TRPC5: variants seen among roughly 807,000 people sequenced by gnomAD.
TRPC5 encodes the protein short transient receptor potential channel 5.
In TRPC5, 9 loss-of-function variants were observed where a neutral mutation model predicts 56.5. The observed-to-expected ratio is 0.16, with a 90% CI of 0.10 to 0.28. The LOEUF (loss-of-function observed/expected upper bound fraction) is 0.28, where lower values mean the gene tolerates loss of function less well. Ranked by LOEUF, TRPC5 falls within the 10% of genes least tolerant of loss-of-function variation. The probability of loss-of-function intolerance (pLI) is 1.00; values close to 1 mark genes in which losing one functional copy is unlikely to be tolerated. For missense variants in TRPC5, 469 were observed against 748.9 expected, an observed-to-expected ratio of 0.63 and a Z score of 4.36; for synonymous variants, 282 against 278.5, an observed-to-expected ratio of 1.01 and a Z score of -0.13.
chrX:111,897,500 C>A (rs1925125849), intron 3 of TRPC5, among the ~76,000 whole-genome samples: 1 of 111,227 alleles, frequency 9.0e-6, no homozygotes, highest in Non-Finnish European at 1.9e-5. Flanking sequence ...ATGATCATTA[C>A]CATCACTCTA....
Position 111,781,104 on chromosome X carries a change from G to C in TRPC5, c.2142+61C>G, listed in dbSNP as rs950380474. The C allele has an allele frequency of 1.0e-5, 11 of 1,086,387 alleles. No individual in the cohort carries two copies. In the Admixed American group the frequency reaches 2.2e-4, roughly 22 times the overall value. 89.5% of individuals were successfully genotyped at this position (1,086,387 alleles called of 1,213,427 possible). On this transcript the variant is annotated intron_variant, in intron 9 of 10. Transcript: ENST00000262839. ...TCCAGACACAGCCAGAGTGAAGTTT[G>C]CTTCTCCTCCACAGAACCAGCCAAC...
Position 111,842,132 on chromosome X carries a change from G to GTATATATATATATTTTATATATATATATA in TRPC5, c.1700+4981_1700+4982insTATATATATATATAAAATATATATATATA, listed in dbSNP as rs1406226710. Among the ~76,000 whole-genome samples the GTATATATATATATTTTATATATATATATA allele has an allele frequency of 1.3e-4, 10 of 77,197 alleles. 1 individual carries two copies. Among genetic ancestry groups the GTATATATATATATTTTATATATATATATA allele is most frequent in the African/African-American group, 1.2e-3 (10 of 8,630 alleles). 67.0% of individuals were successfully genotyped at this position (77,197 alleles called of 115,157 possible). On this transcript the variant is annotated intron_variant, in intron 6 of 10. Transcript: ENST00000262839. ...ATATATATATATTTTATATATATAT[G>GTATATATATATATTTTATATATATATATA]TATATATATATATATGTATATTTTA... is the stretch of plus-strand genomic sequence containing the variant.
intron 2 of TRPC5, among the ~76,000 whole-genome samples, chrX:111,913,703 G>A (rs11798185): frequency 1.8e-3 from 201 of 111,769 alleles, no homozygotes; most frequent in Admixed American, 6.2e-3. Context: ...GCTCACGCCT[G>A]TAATCCCAGC....
intron 5 of TRPC5, among the ~76,000 whole-genome samples, chrX:111,849,252 A>C (rs1366255186): frequency 8.9e-6 from 1 of 112,455 alleles, no homozygotes; most frequent in Admixed American, 9.4e-5. Context: ...CAGAAGTGTA[A>C]AACATGATTC....
intron 7 of TRPC5, among the ~76,000 whole-genome samples, chrX:111,787,491 A>G (rs184505818): frequency 2.9e-4 from 32 of 110,485 alleles, no homozygotes; most frequent in African/African-American, 1.0e-3. Flanking sequence ...ATCACAATTA[A>G]AAGAACTAGA....
intron 1 of TRPC5, among the ~76,000 whole-genome samples, chrX:111,965,907 T>G (rs1036130870): frequency 4.5e-5 from 5 of 110,782 alleles, no homozygotes; most frequent in African/African-American, 1.6e-4. Context: ...ACATCACAAT[T>G]AAAAGAACTA....
rs779426917 is a variant in TRPC5, at chrX:111,773,037, T to A, written c.*3276A>T. ...TTGAAAAGTGGAGGCGTTCGTTTTT[T>A]AAAAATGATTTAATCAAATTGCAGA... On this transcript the variant is annotated 3_prime_UTR_variant, in exon 11 of 11. Coordinates refer to ENST00000262839, the MANE Select transcript of TRPC5 (RefSeq NM_012471.3). Among the ~76,000 whole-genome samples, 1 of 112,132 alleles carries A rather than the reference T, an allele frequency of 8.9e-6. No individual in the cohort carries two copies. Among genetic ancestry groups the A allele is most frequent in the East Asian group, 2.8e-4 (1 of 3,573 alleles).
chrX:111,814,975 C>T (rs1225230661), intron 7 of TRPC5, among the ~76,000 whole-genome samples: 1 of 111,243 alleles, frequency 9.0e-6, no homozygotes, highest in African/African-American at 3.3e-5. Flanking sequence ...GACATCAAGC[C>T]AATATTCTGT....
intron 1 of TRPC5, among the ~76,000 whole-genome samples, chrX:111,996,411 G>T (rs960800755): frequency 1.8e-5 from 2 of 111,631 alleles, no homozygotes; most frequent in African/African-American, 6.5e-5. Flanking sequence ...CAATTATGTG[G>T]TCAATTTTAG....
At chrX:111,954,940 A>G (rs1279081968) in intron 1 of TRPC5, among the ~76,000 whole-genome samples, 1 of 112,152 alleles carries the variant, frequency 8.9e-6, no homozygotes, top group Non-Finnish European at 1.9e-5. Flanking sequence ...TGGCTCAGGC[A>G]TGGTGCCAGG....
At chrX:112,040,298 C>T (rs755385598) in intron 1 of TRPC5, among the ~76,000 whole-genome samples, 2 of 112,258 alleles carry the variant, frequency 1.8e-5, no homozygotes, top group Non-Finnish European at 3.8e-5. Context: ...TTAGTGCAAC[C>T]GCTATGCTAA....
Position 111,776,088 on chromosome X carries a change from G to T in TRPC5, c.*225C>A. 1 of 316,883 alleles carries T rather than the reference G, an allele frequency of 3.2e-6. No individual in the cohort carries two copies. Among genetic ancestry groups the T allele is most frequent in the Non-Finnish European group, 5.5e-6 (1 of 183,061 alleles). 26.1% of individuals were successfully genotyped at this position (316,883 alleles called of 1,213,427 possible). A position where few individuals can be genotyped will look rare whatever the true frequency, so the allele number is the denominator to read the frequency against. On this transcript the variant is annotated 3_prime_UTR_variant, in exon 11 of 11. Coordinates refer to ENST00000262839, the MANE Select transcript of TRPC5 (RefSeq NM_012471.3). ...GCAACACCCCTTCAGTCGGTTGTAA[G>T]ATGGACTTAGTGTGTATAGGTATTA...
At chrX:111,813,259 A>G (rs186867424) in intron 7 of TRPC5, among the ~76,000 whole-genome samples, 38 of 112,504 alleles carry the variant, frequency 3.4e-4, no homozygotes, top group African/African-American at 1.1e-3. Flanking sequence ...CTAACGACAC[A>G]TAGCCTTACA....
chrX:111,867,960 T>C (rs1000134861), intron 3 of TRPC5, among the ~76,000 whole-genome samples: 6 of 112,483 alleles, frequency 5.3e-5, no homozygotes, highest in African/African-American at 1.9e-4. Context: ...AAAAGCAGTT[T>C]ATATGTATTA....
rs1051655216 is a variant in TRPC5, at chrX:111,852,300, T to C, written c.1375A>G (p.Lys459Glu). The change falls in exon 5 of 11, where the codon AAG becomes GAG. Residue 459 changes from lysine (K) to glutamate (E), a missense_variant and splice_region_variant. Around this residue, in one of 3 missense-constraint regions of TRPC5, gnomAD observed 157 missense variants for 360.0 expected, o/e 0.44. Transcript: ENST00000262839. The stretch of plus-strand genomic sequence containing the variant: ...ATATGGCAGACATTCCAATTTACCT[T>C]GACATAGGCCACAATCTTCAGGGAA... ...TISLKIVAYV[K>E]YNGSRPREEW... 3 of 1,206,869 alleles carry C rather than the reference T, an allele frequency of 2.5e-6. No individual in the cohort carries two copies. Among genetic ancestry groups the C allele is most frequent in the Admixed American group, 4.4e-5 (2 of 45,392 alleles).
intron 2 of TRPC5, among the ~76,000 whole-genome samples, chrX:111,947,948 T>G (rs1346227388): frequency 8.9e-6 from 1 of 112,243 alleles, no homozygotes; most frequent in Non-Finnish European, 1.9e-5. Context: ...CTGCTCCATT[T>G]ATTACAATTC....
At chrX:112,028,350 T>C (rs1270737106) in intron 1 of TRPC5, among the ~76,000 whole-genome samples, 1 of 111,388 alleles carries the variant, frequency 9.0e-6, no homozygotes, top group Admixed American at 9.6e-5. Context: ...TAGGTATACA[T>C]GTGCCATGTT....
chrX:112,038,722 C>T (rs1219253623), intron 1 of TRPC5, among the ~76,000 whole-genome samples: 2 of 109,226 alleles, frequency 1.8e-5, no homozygotes, highest in African/African-American at 6.7e-5. Context: ...CGCTCTGTCG[C>T]CCAGGCTGGA....
At chrX:112,008,613 A>AT (rs1569529461) in intron 1 of TRPC5, among the ~76,000 whole-genome samples, 9 of 107,935 alleles carry the variant, frequency 8.3e-5, no homozygotes, top group African/African-American at 3.1e-4. Context: ...AAAAAAAAAA[A>AT]AATATAGAGA....
Sources: gnomAD v4.1 joint callset for allele counts (sites outside exome capture counted in the v4.1 genomes callset) on GRCh38, gnomAD v4.1.1 for gene constraint, gnomAD v4.1.1 regional missense constraint, MANE v1.5 for transcripts, NCBI Gene and HGNC (gene_info 2026-07-23, HGNC 2026-07-21) for gene names.